The following MACROD1 variants were observed in gnomAD, a reference collection of about 807,000 sequenced individuals.
MACROD1 encodes the protein mono-ADP ribosylhydrolase 1.
In MACROD1, 31 loss-of-function variants were observed where a neutral mutation model predicts 41.4. The ratio of observed to expected loss-of-function variants is 0.75; its 90% confidence interval spans 0.56 to 1.01. The LOEUF is 1.01. Ranked by LOEUF, MACROD1 falls within the 50% of genes least tolerant of loss-of-function variation. The probability of loss-of-function intolerance (pLI) is 0.00; values close to 1 mark genes in which losing one functional copy is unlikely to be tolerated. For missense variants in MACROD1, 473 were observed against 460.0 expected (o/e 1.03, Z -0.26); for synonymous variants, 252 against 203.4 (o/e 1.24, Z -2.03).
chr11:64,098,533 C>G (rs1944617901), intron 3 of MACROD1, among the ~76,000 whole-genome samples: 1 of 152,234 alleles, frequency 6.6e-6, no homozygotes, highest in African/African-American at 2.4e-5. Flanking sequence ...CCCCAGACTG[C>G]TCTCTGCAAT....
chr11:64,043,257 G>A (rs971756231), intron 3 of MACROD1, among the ~76,000 whole-genome samples: 2 of 152,194 alleles, frequency 1.3e-5, no homozygotes, highest in African/African-American at 4.8e-5. Context: ...CCAGACACGT[G>A]CTGGGATAAT....
At chr11:64,117,651 T>A (rs766449617) in intron 3 of MACROD1, 1 of 1,613,724 alleles carries the variant, frequency 6.2e-7, no homozygotes, top group Non-Finnish European at 8.5e-7. Flanking sequence ...GCTCCCCGCC[T>A]CCTCTTTCCG....
intron 3 of MACROD1, among the ~76,000 whole-genome samples, chr11:64,056,465 C>T (rs1943787504): frequency 6.6e-6 from 1 of 152,178 alleles, no homozygotes; most frequent in Non-Finnish European, 1.5e-5. Flanking sequence ...GGAGCAGCTG[C>T]GGGAACAGGA....
At chr11:64,000,991 C>A (rs1467429303) in intron 4 of MACROD1, 1 of 187,570 alleles carries the variant, frequency 5.3e-6, no homozygotes, top group Non-Finnish European at 1.1e-5. Context: ...GGCGCGCAAA[C>A]CCCAGCTGGT....
At chr11:64,149,708 C>T (rs1026468054) in intron 3 of MACROD1, among the ~76,000 whole-genome samples, 7 of 152,274 alleles carry the variant, frequency 4.6e-5, no homozygotes, top group Middle Eastern at 3.2e-3. Context: ...ACCTCTCACA[C>T]GCTTGCCAGT....
chr11:64,046,454 C>A (rs1417762117), intron 3 of MACROD1, among the ~76,000 whole-genome samples: 1 of 152,220 alleles, frequency 6.6e-6, no homozygotes, highest in Non-Finnish European at 1.5e-5. Context: ...GAGCTGGGTC[C>A]TACCCTTGCC....
intron 3 of MACROD1, among the ~76,000 whole-genome samples, chr11:64,143,781 C>CACAT (rs1182273532): frequency 6.6e-6 from 1 of 150,636 alleles, no homozygotes; most frequent in Non-Finnish European, 1.5e-5. Context: ...CACACACACA[C>CACAT]ACACACACAC....
intron 3 of MACROD1, chr11:64,117,556 T>C (rs1945012448): frequency 1.2e-6 from 2 of 1,605,818 alleles, no homozygotes; most frequent in Non-Finnish European, 1.7e-6. Flanking sequence ...GACTACCCCA[T>C]GGCCACGGGT....
At chr11:64,016,539 G>A (rs1277492439) in intron 3 of MACROD1, among the ~76,000 whole-genome samples, 1 of 152,272 alleles carries the variant, frequency 6.6e-6, no homozygotes, top group Admixed American at 6.5e-5. Flanking sequence ...TGGCCAGGCT[G>A]CAGGCCCAAG....
At chr11:64,054,728 C>T (rs930342020) in intron 3 of MACROD1, among the ~76,000 whole-genome samples, 4 of 152,150 alleles carry the variant, frequency 2.6e-5, no homozygotes, top group African/African-American at 9.7e-5. Context: ...CAACAAACTT[C>T]CTTGTTTCCT....
intron 3 of MACROD1, among the ~76,000 whole-genome samples, chr11:64,089,469 C>T (rs571402238): frequency 6.6e-6 from 1 of 152,348 alleles, no homozygotes; most frequent in African/African-American, 2.4e-5. Flanking sequence ...GGATTCAACA[C>T]AGGTGTGGGT....
Position 64,015,816 on chromosome 11 carries a change from C to A in MACROD1, c.518-535G>T, listed in dbSNP as rs902891905. 6.0e-5 allele frequency among the ~76,000 whole-genome samples: 9 copies of A among 150,362 alleles called. 1 individual carries two copies. The highest frequency in any genetic ancestry group is 4.2e-4 in the South Asian group (2 of 4,762). On this transcript the variant is annotated intron_variant, in intron 3 of 10. Transcript: ENST00000255681. Reference sequence around the variant, plus strand: ...AGAACGCGGAGCAGTGCTGAGGGGGCGCAGAAGGGGGCAGGGGCGGGGGCG... The same window carrying A: ...AGAACGCGGAGCAGTGCTGAGGGGGAGCAGAAGGGGGCAGGGGCGGGGGCG...
At chr11:64,118,528 T>C (rs1945039298) in intron 3 of MACROD1, 3 of 470,404 alleles carry the variant, frequency 6.4e-6, no homozygotes, top group Non-Finnish European at 1.1e-5. Context: ...AGACATAATT[T>C]ATACCAAGTT....
At chr11:64,035,747 C>G (rs1176374379) in intron 3 of MACROD1, among the ~76,000 whole-genome samples, 6 of 147,288 alleles carry the variant, frequency 4.1e-5, no homozygotes, top group Non-Finnish European at 7.6e-5. Context: ...TCCTCTCCCT[C>G]CCCGCTCCGC....
At chr11:64,088,343 A>G (rs746925096) in intron 3 of MACROD1, among the ~76,000 whole-genome samples, 9 of 151,986 alleles carry the variant, frequency 5.9e-5, no homozygotes, top group Non-Finnish European at 1.3e-4. Flanking sequence ...GGCAGCATAG[A>G]CCAGGGGGCA....
At chr11:64,153,919 C>T (rs989391421) in intron 1 of MACROD1, among the ~76,000 whole-genome samples, 1 of 152,104 alleles carries the variant, frequency 6.6e-6, no homozygotes, top group African/African-American at 2.4e-5. Flanking sequence ...ATCCCGTCCC[C>T]TCCCTCAACG....
At chr11:64,003,201 C>T (rs1228120955) in intron 4 of MACROD1, among the ~76,000 whole-genome samples, 3 of 152,206 alleles carry the variant, frequency 2.0e-5, no homozygotes, top group African/African-American at 7.2e-5. Flanking sequence ...CCCTCCTCTA[C>T]CGTTAAACTC....
intron 3 of MACROD1, among the ~76,000 whole-genome samples, chr11:64,028,778 C>G (rs1943257026): frequency 1.3e-5 from 2 of 152,154 alleles, no homozygotes; most frequent in African/African-American, 4.8e-5. Flanking sequence ...CTGGGGGCAC[C>G]TGTGCCCGGC....
intron 4 of MACROD1, chr11:64,001,435 C>T: frequency 1.4e-6 from 1 of 702,428 alleles, no homozygotes; most frequent in Non-Finnish European, 2.6e-6. Context: ...CAAGAGAGGA[C>T]CATCATTCCC....
Sources: allele counts gnomAD v4.1 joint callset (sites outside exome capture counted in the v4.1 genomes callset), GRCh38; gene constraint gnomAD v4.1.1; transcripts MANE v1.5; gene names NCBI Gene and HGNC (gene_info 2026-07-23, HGNC 2026-07-21).